KALRN: variants seen among roughly 807,000 people sequenced by gnomAD.
KALRN encodes kalirin RhoGEF kinase, also known as kalirin.
KALRN carries 70 observed loss-of-function variants against 353.7 expected under a neutral mutation model. The observed-to-expected ratio is 0.20, with a 90% CI of 0.16 to 0.24. The LOEUF is 0.24. Among genes scored for constraint, KALRN ranks in the 10% least tolerant of loss-of-function variants. KALRN has a pLI of 1.00. For synonymous variants in KALRN, 1,391 were observed against 1,434.8 expected, an observed-to-expected ratio of 0.97 and a Z score of 0.69; for missense variants, 2,791 against 3,756.7, an observed-to-expected ratio of 0.74 and a Z score of 6.72.
chr3:124,161,522 A>T (rs1020055867), intron 1 of KALRN, among the ~76,000 whole-genome samples: 2 of 152,186 alleles, frequency 1.3e-5, no homozygotes, highest in Admixed American at 6.5e-5. Context: ...TTTGTTTCTC[A>T]ATTTACTCCT....
intron 15 of KALRN, among the ~76,000 whole-genome samples, chr3:124,428,126 A>G (rs751064198): frequency 6.6e-6 from 1 of 152,210 alleles, no homozygotes; most frequent in East Asian, 1.9e-4. Flanking sequence ...ATAACTAGCC[A>G]GTTTTATGAA....
intron 1 of KALRN, among the ~76,000 whole-genome samples, chr3:124,115,135 G>A (rs1426380220): frequency 6.6e-6 from 1 of 152,164 alleles, no homozygotes; most frequent in East Asian, 1.9e-4. Flanking sequence ...GAGGCCTAGA[G>A]AAGAAGGGAG....
At chr3:124,664,366 T>TGC (rs1454191492) in intron 45 of KALRN, among the ~76,000 whole-genome samples, 3,926 of 126,800 alleles carry the variant, frequency 0.031, 106 homozygotes, top group Admixed American at 0.046. Context: ...TGTGTGTGTG[T>TGC]GTGTGCGCGC....
rs1182763840 is a variant in KALRN at position 124,384,940 on chromosome 3, A to G, written c.1866A>G (p.Arg622=). 10 of 1,614,140 alleles carry G rather than the reference A, an allele frequency of 6.2e-6. No individual in the cohort carries two copies. Among genetic ancestry groups the G allele is most frequent in the Non-Finnish European group, 8.5e-6 (10 of 1,180,012 alleles). ...CCGAGGAGATCTACAAGGCAGCTCG[A>G]CACCTGGAGGTGCGCATCCAAGACT... is the stretch of plus-strand genomic sequence containing the variant. ...CDPEEIYKAA[R]HLEVRIQDFV... The change falls in exon 11 of 60, where the codon CGA becomes CGG. Residue 622 remains arginine (R), a synonymous_variant. Coordinates refer to ENST00000682506, the MANE Select transcript of KALRN (RefSeq NM_001388419.1).
intron 5 of KALRN, among the ~76,000 whole-genome samples, chr3:124,272,543 T>C (rs1319631605): frequency 1.3e-5 from 2 of 151,238 alleles, no homozygotes; most frequent in East Asian, 1.9e-4. Context: ...TAAAAAGGAG[T>C]GTGGGGGAGT....
At chr3:124,582,543 A>G (rs62267587) in intron 34 of KALRN, among the ~76,000 whole-genome samples, 37,890 of 152,092 alleles carry the variant, frequency 0.25, 4,879 homozygotes, top group East Asian at 0.33. Flanking sequence ...TTAAACCATT[A>G]AAGCCTCATC....
At chr3:124,492,516 G>A (rs192417726) in intron 31 of KALRN, among the ~76,000 whole-genome samples, 9 of 152,298 alleles carry the variant, frequency 5.9e-5, no homozygotes, top group South Asian at 4.2e-4. Flanking sequence ...AGTTACTCCC[G>A]TACAAGTAAT....
intron 23 of KALRN, among the ~76,000 whole-genome samples, chr3:124,459,847 T>A (rs1004238478): frequency 1.3e-5 from 2 of 152,224 alleles, no homozygotes; most frequent in Non-Finnish European, 2.9e-5. Context: ...CTAAAGCTGC[T>A]GTGTGAATCA....
chr3:124,582,316 CAGCCAACATG>C (rs1288874223), intron 34 of KALRN, among the ~76,000 whole-genome samples: 1 of 152,170 alleles, frequency 6.6e-6, no homozygotes, highest in Non-Finnish European at 1.5e-5. Flanking sequence ...CCACTGCGCC[CAGCCAACATG>C]AGCAATTTGA....
At chr3:124,502,918 C>T (rs1044524064) in intron 33 of KALRN, among the ~76,000 whole-genome samples, 1 of 152,196 alleles carries the variant, frequency 6.6e-6, no homozygotes, top group Non-Finnish European at 1.5e-5. Flanking sequence ...AAAACCATCA[C>T]GATGGTCCAT....
intron 34 of KALRN, among the ~76,000 whole-genome samples, chr3:124,585,541 T>C (rs548578435): frequency 1.3e-5 from 2 of 152,136 alleles, no homozygotes; most frequent in African/African-American, 4.8e-5. Context: ...CTTAACGTCG[T>C]GGAAGAGACT....
chr3:124,222,576 G>T (rs1035642140), intron 1 of KALRN, among the ~76,000 whole-genome samples: 1 of 152,130 alleles, frequency 6.6e-6, no homozygotes, highest in Non-Finnish European at 1.5e-5. Context: ...TGTAATGTGC[G>T]TATGGATCAG....
At chr3:124,584,603 TC>T in intron 34 of KALRN, 2 of 1,394,296 alleles carry the variant, frequency 1.4e-6, no homozygotes, top group Non-Finnish European at 1.9e-6. Flanking sequence ...ACCTTGGAAC[TC>T]CGCCCCTTAG....
At chr3:124,455,134 G>A (rs763761430) in intron 21 of KALRN, 43 bp from the exon 22 acceptor site, 14 of 1,606,258 alleles carry the variant, frequency 8.7e-6, no homozygotes, top group Non-Finnish European at 1.2e-5. Context: ...AGGGGCAGGA[G>A]AATAAATGTA....
chr3:124,195,392 A>G (rs2075329641), intron 1 of KALRN, among the ~76,000 whole-genome samples: 1 of 152,148 alleles, frequency 6.6e-6, no homozygotes, highest in Non-Finnish European at 1.5e-5. Context: ...ATGTACAAGT[A>G]CTTTGTTACT....
Position 124,334,749 on chromosome 3 carries a change from C to T in KALRN, c.1647+254C>T, listed in dbSNP as rs777887938. On this transcript the variant is annotated intron_variant, in intron 9 of 59. Coordinates refer to ENST00000682506, the MANE Select transcript of KALRN (RefSeq NM_001388419.1). The surrounding 1 kb of genome is among the most constrained non-coding windows in gnomAD (Gnocchi z 4.2). Reference sequence around the variant, plus strand: ...GTGGTATTGTAAAGGGAGACTCAGTCTCAGGAACTGCAATTCCTCGTAGTC... The same window carrying T: ...GTGGTATTGTAAAGGGAGACTCAGTTTCAGGAACTGCAATTCCTCGTAGTC... Among the ~76,000 whole-genome samples, 3 of 152,198 alleles carry T rather than the reference C, an allele frequency of 2.0e-5. No homozygotes were observed. The highest frequency in any genetic ancestry group is 7.2e-5 in the African/African-American group (3 of 41,442).
chr3:124,455,087 A>G, intron 21 of KALRN, 90 bp from the exon 22 acceptor site: 2 of 1,428,368 alleles, frequency 1.4e-6, no homozygotes, highest in South Asian at 2.6e-5. Context: ...TGAGGTATCT[A>G]TGGCTGCTCT....
rs77045939 is a variant in KALRN at position 124,484,794 on chromosome 3, T to C, written c.4284+1894T>C. Among the ~76,000 whole-genome samples, 1,321 of 152,356 alleles carry C rather than the reference T, an allele frequency of 8.7e-3. 16 individuals are homozygous for C. The highest frequency in any genetic ancestry group is 0.03 in the African/African-American group (1,250 of 41,592). ...TCTTCTTCTTTCCTATCCCACTTGA[T>C]GCTTGGCCTTTTAAAATTATTTTTC... On this transcript the variant is annotated intron_variant, in intron 28 of 59. Coordinates refer to ENST00000682506, the MANE Select transcript of KALRN (RefSeq NM_001388419.1).
chr3:124,556,501 C>T (rs575825638), intron 33 of KALRN, among the ~76,000 whole-genome samples: 52 of 152,164 alleles, frequency 3.4e-4, no homozygotes, highest in South Asian at 2.1e-4. Context: ...TATAGTAGGG[C>T]GAGGACAGAA....
Sources: gnomAD v4.1 joint callset for allele counts (sites outside exome capture counted in the v4.1 genomes callset) on GRCh38, gnomAD v4.1.1 for gene constraint, Gnocchi (gnomAD v3.1) non-coding constraint, MANE v1.5 for transcripts, NCBI Gene and HGNC (gene_info 2026-07-23, HGNC 2026-07-21) for gene names.